Variants in WNK3 observed in about 807,000 individuals in gnomAD.
The protein encoded by WNK3 is serine/threonine-protein kinase WNK3.
A neutral mutation model predicts 116.7 loss-of-function variants in WNK3; 18 were observed. The ratio of observed to expected loss-of-function variants is 0.15; its 90% confidence interval spans 0.11 to 0.23. The LOEUF (loss-of-function observed/expected upper bound fraction) is 0.23, where lower values mean the gene tolerates loss of function less well. WNK3 is among the 10% of genes least tolerant of loss of function. The pLI, the probability that WNK3 is intolerant of heterozygous loss-of-function variation, is 1.00. For missense variants in WNK3, 993 were observed against 1,323.8 expected, an observed-to-expected ratio of 0.75 and a Z score of 3.88; for synonymous variants, 404 against 469.4, an observed-to-expected ratio of 0.86 and a Z score of 1.80.
intron 1 of WNK3, among the ~76,000 whole-genome samples, chrX:54,352,045 A>G (rs1203253022): frequency 2.7e-5 from 3 of 111,746 alleles, no homozygotes; most frequent in Non-Finnish European, 5.6e-5. Context: ...CTTAAAACTC[A>G]ACAATAAAAA....
intron 22 of WNK3, among the ~76,000 whole-genome samples, chrX:54,220,283 A>G (rs781791827): frequency 1.8e-5 from 2 of 111,671 alleles, no homozygotes; most frequent in South Asian, 7.6e-4. Flanking sequence ...TTTTAGAATA[A>G]GACCTTTCCT....
At chrX:54,292,734 G>A (rs1557165321) in intron 10 of WNK3, among the ~76,000 whole-genome samples, 154 bp downstream of exon 10, 1 of 105,288 alleles carries the variant, frequency 9.5e-6, no homozygotes, top group Non-Finnish European at 1.9e-5. Flanking sequence ...AAAAAGGAAT[G>A]TCTTGGGTGA....
chrX:54,301,558 G>A (rs1206799278), intron 6 of WNK3, among the ~76,000 whole-genome samples: 1 of 110,850 alleles, frequency 9.0e-6, no homozygotes, highest in Non-Finnish European at 1.9e-5. Flanking sequence ...ACACACAAAC[G>A]CAACCCAAAC....
intron 23 of WNK3, among the ~76,000 whole-genome samples, chrX:54,199,707 G>A (rs1324511472): frequency 3.6e-5 from 4 of 111,327 alleles, no homozygotes; most frequent in Non-Finnish European, 7.5e-5. Flanking sequence ...GGTCGCGAGC[G>A]CCTGTAATCT....
At chrX:54,315,740 C>T (rs782083921) in intron 2 of WNK3, among the ~76,000 whole-genome samples, 1 of 111,541 alleles carries the variant, frequency 9.0e-6, no homozygotes, top group Non-Finnish European at 1.9e-5. Context: ...ACTACTAATT[C>T]AAGTCAGAAA....
intron 17 of WNK3, among the ~76,000 whole-genome samples, chrX:54,248,315 A>G (rs1264260038): frequency 9.0e-6 from 1 of 111,293 alleles, no homozygotes; most frequent in African/African-American, 3.3e-5. Context: ...CCCCCCAAAC[A>G]TGATTAAATT....
intron 10 of WNK3, 141 bp downstream of exon 10, chrX:54,292,747 G>GAAAGC (rs1603391567): frequency 3.9e-6 from 2 of 512,929 alleles, no homozygotes; most frequent in Non-Finnish European, 6.0e-6. Flanking sequence ...TTGGGTGAAG[G>GAAAGC]AAAGCATAAA....
At chrX:54,332,794 G>A (rs1197598056) in intron 2 of WNK3, among the ~76,000 whole-genome samples, 4 of 106,900 alleles carry the variant, frequency 3.7e-5, no homozygotes, top group East Asian at 2.9e-4. Flanking sequence ...AGGCTGAGGC[G>A]GCAGAGGTTG....
intron 1 of WNK3, among the ~76,000 whole-genome samples, chrX:54,355,934 A>G (rs2069588133): frequency 8.9e-6 from 1 of 111,780 alleles, no homozygotes; most frequent in African/African-American, 3.2e-5. Flanking sequence ...CTGAGAGACT[A>G]TGAACAGAAT....
intron 22 of WNK3, chrX:54,223,751 GA>G: frequency 6.1e-6 from 1 of 164,989 alleles, no homozygotes; most frequent in East Asian, 2.2e-4. Flanking sequence ...TGGAGAACAA[GA>G]AAGCTCAGCT....
At chrX:54,332,004 T>C (rs1557174331) in intron 2 of WNK3, among the ~76,000 whole-genome samples, 1 of 111,658 alleles carries the variant, frequency 9.0e-6, no homozygotes, top group African/African-American at 3.3e-5. Context: ...CTTTATTCCA[T>C]CCTAATTTTA....
intron 17 of WNK3, among the ~76,000 whole-genome samples, chrX:54,244,784 C>G (rs1454395147): frequency 9.0e-6 from 1 of 111,301 alleles, no homozygotes; most frequent in Non-Finnish European, 1.9e-5. Flanking sequence ...TCTCTTGCAA[C>G]ATGTGGATTA....
chrX:54,238,762 TG>T, intron 18 of WNK3, 105 bp downstream of exon 18: 1 of 610,716 alleles, frequency 1.6e-6, no homozygotes, highest in Non-Finnish European at 2.4e-6. Flanking sequence ...GTCACATACA[TG>T]GGCTATGTGG....
At chrX:54,228,490 G>T (rs782528414) in intron 22 of WNK3, among the ~76,000 whole-genome samples, 1 of 111,341 alleles carries the variant, frequency 9.0e-6, no homozygotes, top group Admixed American at 9.6e-5. Context: ...AGGGCCTGTG[G>T]TTGGGGGTTT....
At chrX:54,355,808 C>G (rs2069586024) in intron 1 of WNK3, among the ~76,000 whole-genome samples, 1 of 111,836 alleles carries the variant, frequency 8.9e-6, no homozygotes. Context: ...CTAGAAACAT[C>G]TAGTTCAAAA....
At chrX:54,310,599 A>G (rs1269537038) in intron 3 of WNK3, among the ~76,000 whole-genome samples, 4 of 83,827 alleles carry the variant, frequency 4.8e-5, no homozygotes, top group Non-Finnish European at 7.8e-5. Context: ...ATTCTCTATA[A>G]TAGATTTTTA....
chrX:54,253,659 G>A (rs1414394473), intron 13 of WNK3, among the ~76,000 whole-genome samples: 1 of 111,898 alleles, frequency 8.9e-6, no homozygotes, highest in East Asian at 2.8e-4. Flanking sequence ...TTAATCAAGG[G>A]ACCAGGCAAT....
At position 54,308,087 on chromosome X, in the gene WNK3, A is replaced by G. The variant is rs1404227436; in HGVS notation, c.932-8T>C. ...CCATAAACTCAGGAGTTCCTACAAA[A>G]TAACACCACCACCACATTCTTATAG... On this transcript the variant is annotated splice_region_variant and splice_polypyrimidine_tract_variant and intron_variant, in intron 4 of 23. Coordinates refer to ENST00000354646, the Ensembl canonical transcript of WNK3. 6 of 1,174,820 alleles carry G rather than the reference A, an allele frequency of 5.1e-6. No homozygotes were observed. The highest frequency in any genetic ancestry group is 6.9e-6 in the Non-Finnish European group (6 of 875,319).
At chrX:54,199,148 C>T (rs2067477273) in intron 23 of WNK3, among the ~76,000 whole-genome samples, 1 of 109,923 alleles carries the variant, frequency 9.1e-6, no homozygotes, top group Admixed American at 9.8e-5. Context: ...AAACAAATGC[C>T]TAGAAATCAA....
Sources: allele counts gnomAD v4.1 joint callset (sites outside exome capture counted in the v4.1 genomes callset), GRCh38; gene constraint gnomAD v4.1.1; transcripts MANE v1.5; gene names NCBI Gene and HGNC (gene_info 2026-07-23, HGNC 2026-07-21).